The following RFX3 variants were observed in gnomAD, a reference collection of about 807,000 sequenced individuals.
RFX3 encodes the protein regulatory factor X3.
RFX3 carries 14 observed loss-of-function variants against 98.6 expected under a neutral mutation model. The observed-to-expected ratio is 0.14, with a 90% CI of 0.09 to 0.22. The LOEUF (loss-of-function observed/expected upper bound fraction) is 0.22. Among genes scored for constraint, RFX3 ranks in the 10% least tolerant of loss-of-function variants. The pLI is 1.00. For missense variants in RFX3, 639 were observed against 926.9 expected (o/e 0.69, Z 4.03); for synonymous variants, 383 against 328.4 (o/e 1.17, Z -1.80).
chr9:3,495,512 T>C (rs949014116), intron 1 of RFX3, among the ~76,000 whole-genome samples: 2 of 152,202 alleles, frequency 1.3e-5, no homozygotes, highest in East Asian at 3.8e-4. Context: ...TGTCATTAAA[T>C]GGCTTAATAA....
chr9:3,520,951 T>C (rs1190102743), intron 1 of RFX3, among the ~76,000 whole-genome samples: 1 of 152,220 alleles, frequency 6.6e-6, no homozygotes, highest in Admixed American at 6.5e-5. Flanking sequence ...GTGTTGGGAT[T>C]ATAAATGTGA....
At chr9:3,447,524 A>G (rs1846155608) in intron 1 of RFX3, among the ~76,000 whole-genome samples, 1 of 152,142 alleles carries the variant, frequency 6.6e-6, no homozygotes, top group Non-Finnish European at 1.5e-5. Context: ...AGGATATACA[A>G]TTTGTTTCGA....
At chr9:3,345,081 T>C (rs111256178) in intron 3 of RFX3, among the ~76,000 whole-genome samples, 67 of 152,270 alleles carry the variant, frequency 4.4e-4, no homozygotes, top group African/African-American at 1.5e-3. Flanking sequence ...GCATTCACAG[T>C]ACAATGCTGT....
intron 5 of RFX3, among the ~76,000 whole-genome samples, chr9:3,297,491 T>C (rs1427670758): frequency 6.6e-6 from 1 of 152,072 alleles, no homozygotes; most frequent in Non-Finnish European, 1.5e-5. Context: ...CAAAGGGAAA[T>C]CCTGATTGAC....
intron 1 of RFX3, among the ~76,000 whole-genome samples, chr9:3,467,246 TTATA>T (rs896105785): frequency 6.9e-6 from 1 of 145,168 alleles, no homozygotes; most frequent in African/African-American, 2.5e-5. Flanking sequence ...ACAATATATA[TTATA>T]TATACATATA....
chr9:3,382,536 A>G (rs1839302666), intron 2 of RFX3, among the ~76,000 whole-genome samples: 1 of 152,096 alleles, frequency 6.6e-6, no homozygotes, highest in Non-Finnish European at 1.5e-5. Flanking sequence ...GGCTAACTAT[A>G]ATTTTTTAGT....
intron 4 of RFX3, among the ~76,000 whole-genome samples, chr9:3,312,353 T>C (rs1830058452): frequency 1.3e-5 from 2 of 152,158 alleles, no homozygotes; most frequent in South Asian, 4.1e-4. Flanking sequence ...AGTTCCCATC[T>C]AGTCAATGGA....
chr9:3,470,495 T>C (rs1241650520), intron 1 of RFX3, among the ~76,000 whole-genome samples: 1 of 140,678 alleles, frequency 7.1e-6, no homozygotes, highest in Non-Finnish European at 1.5e-5. Flanking sequence ...TTTCTTTTTT[T>C]CTTTTTTTTT....
chr9:3,247,786 G>A (rs971899820), intron 15 of RFX3: 7 of 1,598,542 alleles, frequency 4.4e-6, no homozygotes, highest in African/African-American at 2.7e-5. Flanking sequence ...ATAGGTACCT[G>A]TATAATATAG....
intron 1 of RFX3, among the ~76,000 whole-genome samples, chr9:3,469,628 A>C (rs1255709503): frequency 6.6e-6 from 1 of 152,140 alleles, no homozygotes; most frequent in Non-Finnish European, 1.5e-5. Flanking sequence ...AATACACTTA[A>C]AACTATTTTA....
intron 1 of RFX3, among the ~76,000 whole-genome samples, chr9:3,450,741 T>C (rs1846530841): frequency 6.6e-6 from 1 of 151,588 alleles, no homozygotes; most frequent in Non-Finnish European, 1.5e-5. Context: ...AGTGATATCA[T>C]TACAGAATTT....
At chr9:3,367,598 C>G (rs1759934184) in intron 2 of RFX3, among the ~76,000 whole-genome samples, 2 of 152,236 alleles carry the variant, frequency 1.3e-5, no homozygotes, top group African/African-American at 4.8e-5. Flanking sequence ...AGACAGAGTC[C>G]AAAGGAATTG....
intron 13 of RFX3, among the ~76,000 whole-genome samples, chr9:3,262,162 G>T (rs994832171): frequency 6.6e-6 from 1 of 151,928 alleles, no homozygotes; most frequent in Non-Finnish European, 1.5e-5. Context: ...TACAGTTTAT[G>T]TATTTTTCCT....
chr9:3,338,622 A>G (rs958851722), intron 3 of RFX3, among the ~76,000 whole-genome samples: 2 of 152,110 alleles, frequency 1.3e-5, no homozygotes. Context: ...CCCACCCCTA[A>G]AGTTCTTAAT....
intron 1 of RFX3, among the ~76,000 whole-genome samples, chr9:3,503,989 T>A (rs1055136853): frequency 4.6e-4 from 70 of 151,526 alleles, no homozygotes; most frequent in African/African-American, 1.6e-3. Context: ...TGTTCAATTT[T>A]TTAAGTGTTT....
chr9:3,293,065 T>C lies in RFX3; in HGVS notation c.731+12A>G. ...GAGAGATTAGTTTATGATCTTATTT[T>C]TCAATACTAACCTAGTGCCCAATCT... On this transcript the variant is annotated intron_variant, in intron 6 of 16. Coordinates refer to ENST00000617270, the MANE Select transcript of RFX3 (RefSeq NM_001282116.2). 6.3e-7 allele frequency: 1 copy of C among 1,593,530 alleles called. No individual in the cohort carries two copies. The highest frequency in any genetic ancestry group is 8.5e-7 in the Non-Finnish European group (1 of 1,169,956).
intron 1 of RFX3, among the ~76,000 whole-genome samples, chr9:3,524,814 G>T (rs1032105577): frequency 7.2e-6 from 1 of 139,388 alleles, no homozygotes; most frequent in Non-Finnish European, 1.5e-5. Context: ...CCTGCATCCG[G>T]TTTAAATCAC....
At chr9:3,490,910 G>A (rs1850671682) in intron 1 of RFX3, among the ~76,000 whole-genome samples, 1 of 152,058 alleles carries the variant, frequency 6.6e-6, no homozygotes, top group African/African-American at 2.4e-5. Flanking sequence ...AGTAAATGTG[G>A]AGTAGCAATG....
At position 3,225,074 on chromosome 9, in the gene RFX3, T is replaced by G; in HGVS notation, c.2218A>C (p.Ser740Arg). 8.7e-6 allele frequency: 14 copies of G among 1,614,004 alleles called. No homozygotes were observed. The highest frequency in any genetic ancestry group is 1.2e-5 in the Non-Finnish European group (14 of 1,179,932). The change falls in exon 17 of 17, where the codon AGC becomes CGC. Residue 740 changes from serine (S) to arginine (R), a missense_variant. By Grantham distance (110) the Ser-to-Arg change is moderately radical. Around this residue, in one of 9 missense-constraint regions of RFX3, gnomAD observed 129 missense variants for 124.6 expected, o/e 1.04. Transcript: ENST00000617270. ...VTSTQTIRQC[S>R]ATGNTYTAV ...GCAGTGTAGGTATTTCCTGTAGCGC[T>G]GCACTGTCTGATAGTCTGAGTACTT...
Sources: allele counts gnomAD v4.1 joint callset (sites outside exome capture counted in the v4.1 genomes callset), GRCh38; gene constraint gnomAD v4.1.1; regional missense constraint gnomAD v4.1.1; transcripts MANE v1.5; gene names NCBI Gene and HGNC (gene_info 2026-07-23, HGNC 2026-07-21).